Variants in TCERG1L observed in about 807,000 individuals in gnomAD.
The protein encoded by TCERG1L is transcription elongation regulator 1-like protein.
In TCERG1L, 37 loss-of-function variants were observed where a neutral mutation model predicts 56.3. The observed-to-expected ratio is 0.66, with a 90% CI of 0.51 to 0.87. The LOEUF is 0.87. Among genes scored for constraint, TCERG1L ranks in the 40% least tolerant of loss-of-function variants. TCERG1L has a pLI of 0.00. For missense variants in TCERG1L, 799 were observed against 774.2 expected, an observed-to-expected ratio of 1.03 and a Z score of -0.38; for synonymous variants, 324 against 326.3, an observed-to-expected ratio of 0.99 and a Z score of 0.08.
intron 4 of TCERG1L, among the ~76,000 whole-genome samples, chr10:131,207,794 G>A (rs891210156): frequency 3.9e-5 from 6 of 152,140 alleles, no homozygotes; most frequent in Non-Finnish European, 7.3e-5. Flanking sequence ...CTTCCCATCA[G>A]CCTTGAAATA....
At chr10:131,196,356 T>C (rs931312615) in intron 4 of TCERG1L, among the ~76,000 whole-genome samples, 5 of 152,164 alleles carry the variant, frequency 3.3e-5, no homozygotes, top group Admixed American at 2.6e-4. Flanking sequence ...TCAGTGACCC[T>C]GTGCATTTGC....
At chr10:131,192,901 T>C (rs1845319146) in intron 4 of TCERG1L, among the ~76,000 whole-genome samples, 1 of 150,946 alleles carries the variant, frequency 6.6e-6, no homozygotes, top group Admixed American at 6.6e-5. Context: ...AACTACACAT[T>C]AGGTATGACA....
chr10:131,133,745 G>A (rs1377154373), intron 8 of TCERG1L, among the ~76,000 whole-genome samples: 2 of 152,178 alleles, frequency 1.3e-5, no homozygotes, highest in Non-Finnish European at 2.9e-5. Flanking sequence ...AAGGGCAGGA[G>A]CCAACCCCCA....
At chr10:131,154,613 C>T (rs2133422744) in intron 6 of TCERG1L, among the ~76,000 whole-genome samples, 1 of 152,324 alleles carries the variant, frequency 6.6e-6, no homozygotes, top group Non-Finnish European at 1.5e-5. Flanking sequence ...CCAACCTAGG[C>T]AGGACTGAGT....
At chr10:131,211,818 G>A (rs937403275) in intron 4 of TCERG1L, among the ~76,000 whole-genome samples, 1 of 152,182 alleles carries the variant, frequency 6.6e-6, no homozygotes. Context: ...AGTGCAGACG[G>A]CGGCTGGGAG....
intron 7 of TCERG1L, among the ~76,000 whole-genome samples, chr10:131,140,230 G>A (rs775220920): frequency 6.6e-6 from 1 of 152,112 alleles, no homozygotes; most frequent in Non-Finnish European, 1.5e-5. Flanking sequence ...ACCTGCTGGT[G>A]GACCCAGCCC....
At chr10:131,190,837 T>C (rs1048158453) in intron 4 of TCERG1L, among the ~76,000 whole-genome samples, 1 of 143,970 alleles carries the variant, frequency 6.9e-6, no homozygotes, top group African/African-American at 2.6e-5. Flanking sequence ...TTGCCACTCT[T>C]ATTCAACAAA....
chr10:131,254,561 T>C (rs894497751), intron 4 of TCERG1L, among the ~76,000 whole-genome samples: 4 of 151,696 alleles, frequency 2.6e-5, no homozygotes, highest in Admixed American at 1.3e-4. Context: ...CTGCAGAAAA[T>C]AGGGCAGAGT....
At chr10:131,242,577 T>C (rs895718977) in intron 4 of TCERG1L, among the ~76,000 whole-genome samples, 7 of 152,202 alleles carry the variant, frequency 4.6e-5, no homozygotes, top group Admixed American at 2.0e-4. Context: ...ACACAGTGAG[T>C]ATCCCTTATA....
chr10:131,309,223 T>C lies in TCERG1L; in HGVS notation c.419A>G (p.His140Arg), dbSNP rs1233491418. 5.6e-6 allele frequency: 9 copies of C among 1,608,778 alleles called. No individual in the cohort carries two copies. Among genetic ancestry groups the C allele is most frequent in the South Asian group, 1.1e-5 (1 of 90,210 alleles). Residue 140 changes from histidine to arginine, a missense_variant, in exon 2 of 12, where the codon CAT (histidine) becomes CGT (arginine). Transcript: ENST00000368642. ...GGTTGCAAGAGCAGAAGGGCAGAGA[T>C]GTGGGAAGACGGGCACCAGCTCCAC... ...STVELVPVFP[H>R]LCPSALATPI...
intron 6 of TCERG1L, chr10:131,156,292 G>A (rs991507481): frequency 1.3e-5 from 2 of 152,048 alleles, no homozygotes; most frequent in Non-Finnish European, 2.9e-5. Context: ...CTCAATACCT[G>A]TATTTAGAAA....
chr10:131,128,442 G>T (rs1845584235), intron 8 of TCERG1L, among the ~76,000 whole-genome samples: 1 of 152,144 alleles, frequency 6.6e-6, no homozygotes, highest in African/African-American at 2.4e-5. Context: ...TCATATCTGG[G>T]AAAACGAACC....
chr10:131,285,547 A>T (rs554240086), intron 3 of TCERG1L, among the ~76,000 whole-genome samples: 1 of 141,592 alleles, frequency 7.1e-6, no homozygotes, highest in Admixed American at 7.1e-5. Context: ...GAAAAGAAAG[A>T]AAGGAAGGAA....
intron 9 of TCERG1L, among the ~76,000 whole-genome samples, chr10:131,109,275 T>C (rs1027680606): frequency 6.6e-6 from 1 of 152,234 alleles, no homozygotes; most frequent in African/African-American, 2.4e-5. Flanking sequence ...CAGAAGTTTG[T>C]GATCCACCCC....
At position 131,113,161 on chromosome 10, in the gene TCERG1L, T is replaced by C. The variant is rs954797820; in HGVS notation, c.1395+3638A>G. Among the ~76,000 whole-genome samples, 19 of 143,348 alleles carry C rather than the reference T, an allele frequency of 1.3e-4. 5 individuals carry two copies. The highest frequency in any genetic ancestry group is 2.5e-4 in the South Asian group (1 of 3,968). 94.0% of individuals were successfully genotyped at this position (143,348 alleles called of 152,430 possible). Reference sequence around the variant, plus strand: ...TTTGTTTTCATTTTTGGTGAATAAATGCAATTTTACACGGTTATCCCACAA... The same window carrying C: ...TTTGTTTTCATTTTTGGTGAATAAACGCAATTTTACACGGTTATCCCACAA... On this transcript the variant is annotated intron_variant, in intron 9 of 11. Transcript: ENST00000368642.
chr10:131,172,190 G>A (rs1385385782), intron 4 of TCERG1L, among the ~76,000 whole-genome samples: 1 of 152,002 alleles, frequency 6.6e-6, no homozygotes, highest in African/African-American at 2.4e-5. Context: ...CTCACCATGA[G>A]GCTGTAAGAA....
chr10:131,300,505 T>C (rs1170298115), intron 3 of TCERG1L, among the ~76,000 whole-genome samples: 1 of 152,204 alleles, frequency 6.6e-6, no homozygotes, highest in Non-Finnish European at 1.5e-5. Flanking sequence ...ATGCAGGAGT[T>C]CATCAAAGTA....
At chr10:131,173,746 G>C (rs2133443288) in intron 4 of TCERG1L, among the ~76,000 whole-genome samples, 1 of 152,356 alleles carries the variant, frequency 6.6e-6, no homozygotes, top group East Asian at 1.9e-4. Flanking sequence ...GTGGCAGCTG[G>C]GAGCAGAGAG....
chr10:131,306,670 T>C (rs1846821436), intron 3 of TCERG1L, among the ~76,000 whole-genome samples: 1 of 152,088 alleles, frequency 6.6e-6, no homozygotes, highest in African/African-American at 2.4e-5. Context: ...ATTATAATAA[T>C]TTGTAAAAAT....
Sources: allele counts gnomAD v4.1 joint callset (sites outside exome capture counted in the v4.1 genomes callset), GRCh38; gene constraint gnomAD v4.1.1; transcripts MANE v1.5; gene names NCBI Gene and HGNC (gene_info 2026-07-23, HGNC 2026-07-21).